GPC5: variants seen among roughly 807,000 people sequenced by gnomAD.
The protein encoded by GPC5 is glypican-5.
A neutral mutation model predicts 53.9 loss-of-function variants in GPC5; 47 were observed. The ratio of observed to expected loss-of-function variants is 0.87; its 90% confidence interval spans 0.69 to 1.11. The LOEUF (loss-of-function observed/expected upper bound fraction) is 1.11. Among genes scored for constraint, GPC5 ranks in the 50% most tolerant of loss-of-function variants. The probability of loss-of-function intolerance (pLI) is 0.00; values close to 1 mark genes in which losing one functional copy is unlikely to be tolerated. For synonymous variants in GPC5, 286 were observed against 263.3 expected (o/e 1.09, Z -0.84); for missense variants, 748 against 713.1 (o/e 1.05, Z -0.56).
intron 7 of GPC5, among the ~76,000 whole-genome samples, chr13:92,534,793 AAC>A (rs1181718871): frequency 6.6e-6 from 1 of 152,192 alleles, no homozygotes; most frequent in Non-Finnish European, 1.5e-5. Context: ...TAAGATATAA[AAC>A]AATTCACGAA....
chr13:92,728,525 T>C (rs982205193), intron 7 of GPC5, among the ~76,000 whole-genome samples: 2 of 151,352 alleles, frequency 1.3e-5, no homozygotes, highest in African/African-American at 2.4e-5. Context: ...GCATCCAACA[T>C]GAAAAACAGA....
At chr13:91,875,395 G>A (rs1330472) in intron 5 of GPC5, among the ~76,000 whole-genome samples, 73,431 of 151,988 alleles carry the variant, frequency 0.48, 18,320 homozygotes, top group East Asian at 0.74. Context: ...GTACGCTTAA[G>A]ATGATATATT....
At chr13:91,977,615 AG>A (rs1443134041) in intron 6 of GPC5, among the ~76,000 whole-genome samples, 1 of 152,218 alleles carries the variant, frequency 6.6e-6, no homozygotes, top group Non-Finnish European at 1.5e-5. Flanking sequence ...AATGCAAAAA[AG>A]GGCATTCTAA....
chr13:92,038,853 A>G (rs73623542), intron 6 of GPC5, among the ~76,000 whole-genome samples: 5,472 of 152,266 alleles, frequency 0.036, 341 homozygotes, highest in African/African-American at 0.12. Context: ...CTCTAACATT[A>G]AAAAGTAGAT....
At chr13:92,532,683 CAT>C (rs1279791371) in intron 7 of GPC5, among the ~76,000 whole-genome samples, 1 of 152,114 alleles carries the variant, frequency 6.6e-6, no homozygotes, top group African/African-American at 2.4e-5. Context: ...ATTATGGTAA[CAT>C]AGCATGAACT....
chr13:91,513,328 A>G (rs945906563), intron 2 of GPC5, among the ~76,000 whole-genome samples: 23 of 151,434 alleles, frequency 1.5e-4, no homozygotes, highest in African/African-American at 5.1e-4. Context: ...TCTTATTTAG[A>G]TTTCACTAAT....
chr13:91,668,564 T>C (rs1468782436), intron 2 of GPC5, among the ~76,000 whole-genome samples: 1 of 152,212 alleles, frequency 6.6e-6, no homozygotes, highest in Non-Finnish European at 1.5e-5. Flanking sequence ...AAGAATCTTG[T>C]ATCCTATTGT....
At chr13:92,124,159 G>T (rs1240511602) in intron 6 of GPC5, among the ~76,000 whole-genome samples, 1 of 126,776 alleles carries the variant, frequency 7.9e-6, no homozygotes, top group East Asian at 2.4e-4. Flanking sequence ...TCCAAATAAA[G>T]ACAGACATAT....
At position 91,700,903 on chromosome 13, in the gene GPC5, T is replaced by C. The variant is rs1055694646; in HGVS notation, c.1020+7022T>C. 2.0e-5 allele frequency among the ~76,000 whole-genome samples: 3 copies of C among 152,324 alleles called. No homozygotes were observed. In the East Asian group the frequency reaches 5.8e-4, roughly 29 times the overall value. Reference sequence around the variant, plus strand: ...ATTTTTAATAATGCCTAGTGATTCTTTTGAATTTTTCTGAAATAATTTCTG... The same window carrying C: ...ATTTTTAATAATGCCTAGTGATTCTCTTGAATTTTTCTGAAATAATTTCTG... On this transcript the variant is annotated intron_variant, in intron 3 of 7. Coordinates refer to ENST00000377067, the MANE Select transcript of GPC5 (RefSeq NM_004466.6).
At position 92,805,005 on chromosome 13, in the gene GPC5, C is replaced by T. The variant is rs552398617; in HGVS notation, c.1562-61277C>T. ...AGCAATTTAGCTACATCTTCAGATT[C>T]TACTTCTAACTCTACTTCTCTTATT... On this transcript the variant is annotated intron_variant, in intron 7 of 7. Coordinates refer to ENST00000377067, the MANE Select transcript of GPC5 (RefSeq NM_004466.6). Among the ~76,000 whole-genome samples, 182 of 149,498 alleles carry T rather than the reference C, an allele frequency of 1.2e-3. 1 individual carries two copies. Among genetic ancestry groups the T allele is most frequent in the African/African-American group, 4.5e-3 (178 of 39,884 alleles).
intron 7 of GPC5, among the ~76,000 whole-genome samples, chr13:92,412,239 G>A (rs1438573232): frequency 6.6e-6 from 1 of 152,092 alleles, no homozygotes; most frequent in East Asian, 1.9e-4. Context: ...TGAATTCATT[G>A]GTTCTTTCAC....
intron 7 of GPC5, among the ~76,000 whole-genome samples, chr13:92,783,050 T>C (rs887748210): frequency 6.6e-6 from 1 of 152,220 alleles, no homozygotes; most frequent in Non-Finnish European, 1.5e-5. Flanking sequence ...TTCTCACATA[T>C]TGCTAGTTTA....
chr13:91,520,131 C>T (rs1184258044), intron 2 of GPC5, among the ~76,000 whole-genome samples: 3 of 151,926 alleles, frequency 2.0e-5, no homozygotes, highest in Non-Finnish European at 2.9e-5. Context: ...TAAAATGGTC[C>T]CTTGGCTTAC....
chr13:92,646,405 AT>A (rs1885770392), intron 7 of GPC5, among the ~76,000 whole-genome samples: 1 of 152,092 alleles, frequency 6.6e-6, no homozygotes, highest in Non-Finnish European at 1.5e-5. Flanking sequence ...ATGCAACCCT[AT>A]CTTTCTTACT....
At chr13:92,273,286 T>C (rs2139157997) in intron 7 of GPC5, among the ~76,000 whole-genome samples, 1 of 152,242 alleles carries the variant, frequency 6.6e-6, no homozygotes, top group East Asian at 1.9e-4. Context: ...CAATGGATGA[T>C]GATTTTTACA....
chr13:92,138,713 A>G (rs1051267048), intron 6 of GPC5, among the ~76,000 whole-genome samples: 1 of 152,056 alleles, frequency 6.6e-6, no homozygotes, highest in Non-Finnish European at 1.5e-5. Context: ...CTTGAAAGCG[A>G]TTTAAGAGTA....
At chr13:92,833,373 T>C (rs1878116482) in intron 7 of GPC5, among the ~76,000 whole-genome samples, 1 of 152,148 alleles carries the variant, frequency 6.6e-6, no homozygotes. Flanking sequence ...AACAAATTGA[T>C]ATAGATAGAG....
chr13:91,701,709 A>C (rs1371816788), intron 3 of GPC5, among the ~76,000 whole-genome samples: 1 of 152,078 alleles, frequency 6.6e-6, no homozygotes, highest in Non-Finnish European at 1.5e-5. Context: ...ATGGACACTT[A>C]GATTGATTCT....
chr13:91,681,005 A>G (rs1161997400), intron 2 of GPC5, among the ~76,000 whole-genome samples: 1 of 152,132 alleles, frequency 6.6e-6, no homozygotes, highest in East Asian at 1.9e-4. Context: ...GTTTTTTTAA[A>G]TAATACATAC....
Sources: allele counts gnomAD v4.1 joint callset (sites outside exome capture counted in the v4.1 genomes callset), GRCh38; gene constraint gnomAD v4.1.1; transcripts MANE v1.5; gene names NCBI Gene and HGNC (gene_info 2026-07-23, HGNC 2026-07-21).